RAB28: variants seen among roughly 807,000 people sequenced by gnomAD.
RAB28 encodes the protein ras-related protein Rab-28.
A neutral mutation model predicts 31.7 loss-of-function variants in RAB28; 24 were observed. That is an observed-to-expected ratio of 0.76 (90% CI 0.55 to 1.06). RAB28 has a LOEUF of 1.06. Among genes scored for constraint, RAB28 ranks in the 50% least tolerant of loss-of-function variants. RAB28 has a pLI of 0.00. For synonymous variants in RAB28, 100 were observed against 90.4 expected (o/e 1.11, Z -0.60); for missense variants, 254 against 258.5 (o/e 0.98, Z 0.12).
chr4:13,380,171 C>T (rs1345975008), intron 5 of RAB28, among the ~76,000 whole-genome samples: 3 of 152,044 alleles, frequency 2.0e-5, no homozygotes, highest in Non-Finnish European at 2.9e-5. Flanking sequence ...TGCCCATGTT[C>T]ACATTGTCTG....
chr4:13,464,667 C>T (rs1715757391), intron 3 of RAB28, among the ~76,000 whole-genome samples: 1 of 152,144 alleles, frequency 6.6e-6, no homozygotes. Flanking sequence ...ATCAATGCCT[C>T]TGGCACCCAC....
intron 3 of RAB28, among the ~76,000 whole-genome samples, chr4:13,470,337 G>A (rs1397257302): frequency 3.3e-5 from 5 of 152,078 alleles, no homozygotes; most frequent in Admixed American, 3.3e-4. Context: ...TCAGTTATAA[G>A]TTGGCAAATA....
At chr4:13,477,269 G>T (rs973633389) in intron 2 of RAB28, among the ~76,000 whole-genome samples, 3 of 151,536 alleles carry the variant, frequency 2.0e-5, no homozygotes, top group African/African-American at 7.3e-5. Context: ...ATGAGTATTT[G>T]CAAAGTAATG....
chr4:13,459,419 G>A (rs1367299237), intron 4 of RAB28, among the ~76,000 whole-genome samples: 7 of 151,970 alleles, frequency 4.6e-5, no homozygotes, highest in Admixed American at 3.9e-4. Flanking sequence ...ACTCTATAAC[G>A]TTCACACAAT....
intron 4 of RAB28, among the ~76,000 whole-genome samples, chr4:13,418,095 A>G (rs1288636660): frequency 6.6e-6 from 1 of 152,230 alleles, no homozygotes; most frequent in East Asian, 1.9e-4. Context: ...CACAAGAACT[A>G]TGTGAGGCAT....
In RAB28 at chr4:13,386,947, C is replaced by T. The variant is rs145576124; in HGVS notation, c.392-5353G>A. On this transcript the variant is annotated intron_variant, in intron 4 of 6. Transcript: ENST00000330852. ...AAGGAGATCATGTCCTTTGTGGGAA[C>T]ATGGATGGACCTGGAGACCATTATC... Among the ~76,000 whole-genome samples the T allele has an allele frequency of 4.7e-4, 71 of 152,172 alleles. 1 individual carries two copies. The East Asian group carries it at 0.013, about 29-fold the overall frequency.
intron 3 of RAB28, among the ~76,000 whole-genome samples, chr4:13,463,867 C>T (rs1314742899): frequency 6.6e-6 from 1 of 151,890 alleles, no homozygotes; most frequent in East Asian, 1.9e-4. Flanking sequence ...ATTATAGGAC[C>T]TTCACTTTCA....
intron 4 of RAB28, among the ~76,000 whole-genome samples, chr4:13,456,365 T>C (rs951724094): frequency 1.3e-5 from 2 of 152,242 alleles, no homozygotes; most frequent in Non-Finnish European, 2.9e-5. Flanking sequence ...CTATGCTCAG[T>C]ACTTTTAGAA....
intron 4 of RAB28, among the ~76,000 whole-genome samples, chr4:13,426,213 TAAAG>T (rs1278749867): frequency 2.0e-5 from 3 of 152,110 alleles, no homozygotes; most frequent in Non-Finnish European, 2.9e-5. Context: ...GAGATTTTCA[TAAAG>T]ATTCAATGCA....
intron 4 of RAB28, among the ~76,000 whole-genome samples, chr4:13,400,392 CT>C (rs1490900976): frequency 6.6e-6 from 1 of 152,106 alleles, no homozygotes; most frequent in Non-Finnish European, 1.5e-5. Flanking sequence ...TGAAATTATG[CT>C]GAAGGGATAA....
intron 4 of RAB28, among the ~76,000 whole-genome samples, chr4:13,412,209 C>G (rs147962857): frequency 6.6e-6 from 1 of 152,040 alleles, no homozygotes; most frequent in East Asian, 1.9e-4. Context: ...GAGAGCTATC[C>G]AGACTGCAAA....
At chr4:13,404,627 T>A (rs937155020) in intron 4 of RAB28, among the ~76,000 whole-genome samples, 8 of 152,126 alleles carry the variant, frequency 5.3e-5, no homozygotes, top group Non-Finnish European at 1.0e-4. Context: ...AGAAATATTC[T>A]AGGCTTCAAA....
intron 4 of RAB28, among the ~76,000 whole-genome samples, chr4:13,423,773 C>T (rs923775818): frequency 1.3e-5 from 2 of 152,146 alleles, no homozygotes; most frequent in African/African-American, 2.4e-5. Context: ...CTGTAAAAGT[C>T]TTCCAACATT....
At chr4:13,453,079 T>C (rs1194894008) in intron 4 of RAB28, among the ~76,000 whole-genome samples, 1 of 152,140 alleles carries the variant, frequency 6.6e-6, no homozygotes, top group Non-Finnish European at 1.5e-5. Context: ...GTCTGATTTA[T>C]GTATAGCTAC....
At chr4:13,472,236 A>C (rs1716154919) in intron 3 of RAB28, among the ~76,000 whole-genome samples, 1 of 151,818 alleles carries the variant, frequency 6.6e-6, no homozygotes, top group Non-Finnish European at 1.5e-5. Flanking sequence ...CAACCTCAAA[A>C]TCCTGGGCTC....
rs144287710 is a variant in RAB28, at chr4:13,388,948, G to T, written c.392-7354C>A. Among the ~76,000 whole-genome samples, 10 of 152,140 alleles carry T rather than the reference G, an allele frequency of 6.6e-5. No individual in the cohort carries two copies. The East Asian group carries it at 1.7e-3, about 26-fold the overall frequency. On this transcript the variant is annotated intron_variant, in intron 4 of 6. Coordinates refer to ENST00000330852, the MANE Select transcript of RAB28 (RefSeq NM_001017979.3). ...TATGATCCAGTAATCCAACTTCTGGGTATATATCCCAAAGAACTGAATGCA... is the reference window on the plus strand; with the variant it reads ...TATGATCCAGTAATCCAACTTCTGGTTATATATCCCAAAGAACTGAATGCA...
intron 4 of RAB28, among the ~76,000 whole-genome samples, chr4:13,443,477 G>A (rs1428250470): frequency 6.6e-6 from 1 of 152,152 alleles, no homozygotes; most frequent in Non-Finnish European, 1.5e-5. Context: ...TGGCCAAAAT[G>A]CTTTTTACAT....
intron 4 of RAB28, among the ~76,000 whole-genome samples, chr4:13,423,696 T>C (rs575662610): frequency 4.7e-4 from 72 of 152,158 alleles, no homozygotes; most frequent in Non-Finnish European, 9.4e-4. Flanking sequence ...ATATCTGTTA[T>C]CTGGCCCTTT....
rs752891237 is a variant in RAB28 at position 13,479,456 on chromosome 4, A to G, written c.146T>C (p.Phe49Ser). 1 of 1,607,172 alleles carries G rather than the reference A, an allele frequency of 6.2e-7. No individual in the cohort carries two copies. Among genetic ancestry groups the G allele is most frequent in the Non-Finnish European group, 8.5e-7 (1 of 1,175,144 alleles). Residue 49 changes from phenylalanine (F) to serine (S), a missense_variant, in exon 2 of 7, where the codon TTC (phenylalanine) becomes TCC (serine). Transcript: ENST00000330852. ...KQYKQTIGLD[F>S]FLRRITLPGN... is the part of the protein sequence containing the mutation. The stretch of plus-strand genomic sequence containing the variant: ...TGGCAATGTTATCCTTCTCAAAAAG[A>G]AATCCAGTCCTATAGTTTGTTTGTA...
Sources: allele counts gnomAD v4.1 joint callset (sites outside exome capture counted in the v4.1 genomes callset), GRCh38; gene constraint gnomAD v4.1.1; transcripts MANE v1.5; gene names NCBI Gene and HGNC (gene_info 2026-07-23, HGNC 2026-07-21).